UNC13C: variants seen among roughly 807,000 people sequenced by gnomAD.
UNC13C encodes the protein unc-13 homolog C.
In UNC13C, 174 loss-of-function variants were observed where a neutral mutation model predicts 245.4. The observed-to-expected ratio is 0.71, with a 90% CI of 0.63 to 0.80. UNC13C has a LOEUF of 0.80. Ranked by LOEUF, UNC13C falls within the 30% of genes least tolerant of loss-of-function variation. The pLI is 0.00. For synonymous variants in UNC13C, 992 were observed against 895.1 expected, an observed-to-expected ratio of 1.11 and a Z score of -1.93; for missense variants, 2,829 against 2,602.9, an observed-to-expected ratio of 1.09 and a Z score of -1.89.
chr15:54,328,688 A>T (rs537475579), intron 14 of UNC13C, among the ~76,000 whole-genome samples: 1 of 151,902 alleles, frequency 6.6e-6, no homozygotes, highest in Non-Finnish European at 1.5e-5. Flanking sequence ...CCTGGGGGGA[A>T]CTTCCTGAAG....
intron 29 of UNC13C, 49 bp from the exon 30 acceptor site, chr15:54,567,751 T>G: frequency 6.7e-7 from 1 of 1,499,450 alleles, no homozygotes; most frequent in East Asian, 2.4e-5. Context: ...AAATTCTGTC[T>G]TCCAATACTT....
chr15:54,603,972 A>T (rs1899608673), intron 30 of UNC13C, among the ~76,000 whole-genome samples: 1 of 151,996 alleles, frequency 6.6e-6, no homozygotes, highest in Non-Finnish European at 1.5e-5. Context: ...TTTGTTACCA[A>T]TATCTAAATG....
intron 18 of UNC13C, among the ~76,000 whole-genome samples, chr15:54,398,939 A>G (rs1282399953): frequency 6.6e-6 from 1 of 151,440 alleles, no homozygotes; most frequent in Non-Finnish European, 1.5e-5. Context: ...TTTTTGTTTT[A>G]AATTAATTTT....
At chr15:53,894,276 T>C in the UNC13C span, among the ~76,000 whole-genome samples, 2 of 152,254 alleles carry the variant, frequency 1.3e-5, no homozygotes, top group Non-Finnish European at 2.9e-5. Flanking sequence ...ACTGGAGCTG[T>C]TCCTATTTGG....
At chr15:54,136,341 C>T (rs1297966171) in intron 2 of UNC13C, among the ~76,000 whole-genome samples, 1 of 151,926 alleles carries the variant, frequency 6.6e-6, no homozygotes, top group Non-Finnish European at 1.5e-5. Flanking sequence ...CTGGTTTTGC[C>T]ATGTTGCCCA....
In UNC13C at chr15:54,470,804, C is replaced by T. The variant is rs538890290; in HGVS notation, c.4934-23804C>T. ...TCTGCTAATGTTGCATTTAGTTTAT[C>T]CTTGTTTTTTAGTTACTTGAGATGT... On this transcript the variant is annotated intron_variant, in intron 19 of 32. Coordinates refer to ENST00000260323, the MANE Select transcript of UNC13C (RefSeq NM_001080534.3). Among the ~76,000 whole-genome samples, 22 of 150,650 alleles carry T rather than the reference C, an allele frequency of 1.5e-4. No individual in the cohort carries two copies. The South Asian group carries it at 4.6e-3, about 32-fold the overall frequency.
intron 4 of UNC13C, among the ~76,000 whole-genome samples, chr15:54,185,914 C>A (rs1042399765): frequency 7.1e-4 from 107 of 151,506 alleles, no homozygotes; most frequent in African/African-American, 2.6e-3. Context: ...ATGGAATGTT[C>A]TTCCATTTGT....
At chr15:54,588,282 C>T (rs1231413914) in intron 30 of UNC13C, among the ~76,000 whole-genome samples, 1 of 152,200 alleles carries the variant, frequency 6.6e-6, no homozygotes, top group East Asian at 1.9e-4. Context: ...ATTGAACTTT[C>T]CCCTTAAATA....
chr15:54,460,704 G>A (rs917800446), intron 19 of UNC13C, among the ~76,000 whole-genome samples: 1 of 152,238 alleles, frequency 6.6e-6, no homozygotes, highest in South Asian at 2.1e-4. Context: ...AGCATTTGCA[G>A]TAGCAAGCTG....
chr15:54,097,395 A>G (rs986616101), intron 2 of UNC13C, among the ~76,000 whole-genome samples: 6 of 152,178 alleles, frequency 3.9e-5, no homozygotes, highest in African/African-American at 1.4e-4. Flanking sequence ...CCAATGTGTA[A>G]GAAAATTAGG....
At position 54,555,466 on chromosome 15, in the gene UNC13C, C is replaced by T. The variant is rs186728296; in HGVS notation, c.5912C>T (p.Thr1971Met). The change falls in exon 29 of 33, where the codon ACG (threonine) becomes ATG (methionine). Residue 1971 changes from threonine (T) to methionine (M), a missense_variant. Coordinates refer to ENST00000260323, the MANE Select transcript of UNC13C (RefSeq NM_001080534.3). ...HMIREDARGL[T>M]PRQCAIMEVV... ...ATTCGAGAGGATGCCAGGGGTCTGA[C>T]GCCAAGACAATGCGCTATAATGGAG... 27 of 1,612,256 alleles carry T rather than the reference C, an allele frequency of 1.7e-5. No individual in the cohort carries two copies. The highest frequency in any genetic ancestry group is 4.5e-5 in the East Asian group (2 of 44,788).
At chr15:54,217,071 GAT>G (rs1225728182) in intron 4 of UNC13C, among the ~76,000 whole-genome samples, 1 of 152,050 alleles carries the variant, frequency 6.6e-6, no homozygotes, top group Non-Finnish European at 1.5e-5. Flanking sequence ...ATGGAGAGAA[GAT>G]GTGAGAGTCT....
the UNC13C span, among the ~76,000 whole-genome samples, chr15:53,908,996 T>C: frequency 6.8e-6 from 1 of 146,320 alleles, no homozygotes; most frequent in Non-Finnish European, 1.5e-5. Context: ...GGTTTGTTTA[T>C]ATATATGCAC....
chr15:53,842,076 A>G, the UNC13C span, among the ~76,000 whole-genome samples: 1 of 152,184 alleles, frequency 6.6e-6, no homozygotes, highest in Admixed American at 6.5e-5. Flanking sequence ...TTGTATTTGC[A>G]TAAATTGAAG....
rs542791398 is a variant in UNC13C at position 54,558,357 on chromosome 15, C to T, written c.5958+2845C>T. ...ATAGCTCTGCTAGTAATTGGCAGAG[C>T]TGAGAAAGGACTCCAAATTCTAAAG... On this transcript the variant is annotated intron_variant, in intron 29 of 32. Transcript: ENST00000260323. Among the ~76,000 whole-genome samples, 223 of 152,084 alleles carry T rather than the reference C, an allele frequency of 1.5e-3. 1 individual carries two copies. The highest frequency in any genetic ancestry group is 3.4e-3 in the Middle Eastern group (1 of 294).
the UNC13C span, among the ~76,000 whole-genome samples, chr15:53,922,061 G>C: frequency 6.6e-6 from 1 of 152,150 alleles, no homozygotes; most frequent in Non-Finnish European, 1.5e-5. Flanking sequence ...ATTTATGTTT[G>C]TAAGCATAAG....
At chr15:54,052,629 C>T (rs139132070) in intron 2 of UNC13C, among the ~76,000 whole-genome samples, 89 of 152,260 alleles carry the variant, frequency 5.8e-4, no homozygotes, top group Middle Eastern at 3.4e-3. Context: ...GTTTTATCCA[C>T]GAAGAAAGGA....
intron 17 of UNC13C, among the ~76,000 whole-genome samples, chr15:54,371,717 TAC>T (rs10593078): frequency 0.48 from 72,102 of 149,426 alleles, 17,783 homozygotes; most frequent in East Asian, 0.81. Flanking sequence ...TATATATATA[TAC>T]ACACACACAC....
chr15:53,989,686 A>G (rs919551087), intron 1 of UNC13C, among the ~76,000 whole-genome samples: 3 of 152,038 alleles, frequency 2.0e-5, no homozygotes, highest in African/African-American at 4.8e-5. Flanking sequence ...TTTCAGGAAA[A>G]TTGTGCTAAA....
Sources: gnomAD v4.1 joint callset for allele counts (sites outside exome capture counted in the v4.1 genomes callset) on GRCh38, gnomAD v4.1.1 for gene constraint, MANE v1.5 for transcripts, NCBI Gene and HGNC (gene_info 2026-07-23, HGNC 2026-07-21) for gene names.